The following GRID2 variants were observed in gnomAD, a reference collection of about 807,000 sequenced individuals.
GRID2 encodes the protein glutamate receptor ionotropic, delta-2.
GRID2 carries 33 observed loss-of-function variants against 114.8 expected under a neutral mutation model. The observed-to-expected ratio is 0.29, with a 90% CI of 0.22 to 0.38. The LOEUF (loss-of-function observed/expected upper bound fraction) is 0.38. Among genes scored for constraint, GRID2 ranks in the 10% least tolerant of loss-of-function variants. The pLI is 1.00. For synonymous variants in GRID2, 505 were observed against 449.9 expected, an observed-to-expected ratio of 1.12 and a Z score of -1.55; for missense variants, 1,184 against 1,257.7, an observed-to-expected ratio of 0.94 and a Z score of 0.89.
intron 13 of GRID2, among the ~76,000 whole-genome samples, chr4:93,620,632 A>G (rs1402280018): frequency 6.6e-6 from 1 of 152,202 alleles, no homozygotes; most frequent in African/African-American, 2.4e-5. Flanking sequence ...ACATAGGTGC[A>G]GGTTTTGAAA....
intron 2 of GRID2, among the ~76,000 whole-genome samples, chr4:92,591,293 G>T (rs1267547935): frequency 2.0e-5 from 3 of 151,996 alleles, no homozygotes; most frequent in African/African-American, 7.2e-5. Flanking sequence ...TAATCTGCTG[G>T]GCCCTTGATC....
intron 2 of GRID2, among the ~76,000 whole-genome samples, chr4:93,017,613 G>A (rs1005738293): frequency 1.3e-5 from 2 of 151,522 alleles, no homozygotes; most frequent in Non-Finnish European, 2.9e-5. Context: ...TCAGGAGTTC[G>A]AGACCAACAC....
At chr4:92,959,008 G>T (rs1578602865) in intron 2 of GRID2, among the ~76,000 whole-genome samples, 1 of 147,824 alleles carries the variant, frequency 6.8e-6, no homozygotes, top group African/African-American at 2.5e-5. Flanking sequence ...TAGATCTGTA[G>T]TGATGTGTCT....
chr4:92,492,444 C>T (rs558369084), intron 1 of GRID2, among the ~76,000 whole-genome samples: 9 of 152,206 alleles, frequency 5.9e-5, no homozygotes, highest in Non-Finnish European at 1.2e-4. Flanking sequence ...TGTATAGATA[C>T]ATAAGAGCAT....
intron 3 of GRID2, among the ~76,000 whole-genome samples, chr4:93,097,298 T>C (rs904007410): frequency 1.3e-5 from 2 of 149,756 alleles, no homozygotes; most frequent in African/African-American, 4.9e-5. Flanking sequence ...AATTACAATA[T>C]AGAACAACCC....
At chr4:92,709,946 A>G (rs895832989) in intron 2 of GRID2, among the ~76,000 whole-genome samples, 4 of 152,122 alleles carry the variant, frequency 2.6e-5, no homozygotes, top group Admixed American at 6.5e-5. Flanking sequence ...AGTATATGTA[A>G]CAGGTTGTCT....
intron 12 of GRID2, among the ~76,000 whole-genome samples, chr4:93,492,489 T>C (rs1467677334): frequency 6.6e-6 from 1 of 151,798 alleles, no homozygotes; most frequent in Admixed American, 6.6e-5. Context: ...TCTTAGGTTT[T>C]AGAGAACACA....
intron 13 of GRID2, among the ~76,000 whole-genome samples, chr4:93,587,141 A>G (rs942707152): frequency 1.3e-5 from 2 of 151,884 alleles, no homozygotes; most frequent in African/African-American, 4.8e-5. Context: ...TGCCTCTGAA[A>G]CTTCTACCCA....
At chr4:92,611,132 ATG>A (rs1165644955) in intron 2 of GRID2, among the ~76,000 whole-genome samples, 2 of 133,648 alleles carry the variant, frequency 1.5e-5, no homozygotes, top group African/African-American at 2.8e-5. Context: ...GTGTGTGTGC[ATG>A]TGTGTGTGTG....
Position 93,773,661 on chromosome 4 carries a change from A to C in GRID2, c.*1163A>C, listed in dbSNP as rs1038632102. ...ATTGAAGGTTAAAAATCCTCTTCCA[A>C]AGCAGCAAGTCAATCAATACAATAA... is the stretch of plus-strand genomic sequence containing the variant. On this transcript the variant is annotated 3_prime_UTR_variant, in exon 16 of 16. Transcript: ENST00000282020. 2.0e-4 allele frequency: 31 copies of C among 152,120 alleles called. No homozygotes were observed. Among genetic ancestry groups the C allele is most frequent in the African/African-American group, 5.8e-4 (24 of 41,434 alleles). The allele number at this position is 152,120 out of a possible 1,614,324, so 9.4% of individuals were successfully genotyped here.
chr4:92,877,142 G>C (rs572169731), intron 2 of GRID2, among the ~76,000 whole-genome samples: 191 of 152,284 alleles, frequency 1.3e-3, no homozygotes, highest in African/African-American at 4.3e-3. Context: ...TCTATGTATA[G>C]AGTCTCAACA....
At chr4:93,348,225 C>A (rs1357104319) in intron 8 of GRID2, among the ~76,000 whole-genome samples, 1 of 152,072 alleles carries the variant, frequency 6.6e-6, no homozygotes, top group Non-Finnish European at 1.5e-5. Flanking sequence ...TTTTATATAA[C>A]ACAAGGTCAA....
At chr4:92,593,938 A>C (rs1477397580) in intron 2 of GRID2, among the ~76,000 whole-genome samples, 1 of 151,342 alleles carries the variant, frequency 6.6e-6, no homozygotes, top group Non-Finnish European at 1.5e-5. Context: ...AGAAAAAAAA[A>C]ACGTATATGG....
At chr4:93,195,177 G>A (rs1349466042) in intron 4 of GRID2, among the ~76,000 whole-genome samples, 2 of 152,128 alleles carry the variant, frequency 1.3e-5, no homozygotes, top group Non-Finnish European at 2.9e-5. Context: ...GTATAGGAAG[G>A]CTGACTCAGT....
intron 1 of GRID2, among the ~76,000 whole-genome samples, chr4:92,463,365 C>A: frequency 6.6e-6 from 1 of 151,904 alleles, no homozygotes; most frequent in Non-Finnish European, 1.5e-5. Flanking sequence ...ATAGGTCTAC[C>A]ATCACAGAGT....
At chr4:92,740,690 T>TA (rs1553922534) in intron 2 of GRID2, among the ~76,000 whole-genome samples, 3,829 of 121,262 alleles carry the variant, frequency 0.032, 84 homozygotes, top group East Asian at 0.12. Context: ...GATAGATAGA[T>TA]GATAGATAGA....
chr4:92,945,055 A>G (rs1464535990), intron 2 of GRID2, among the ~76,000 whole-genome samples: 2 of 152,158 alleles, frequency 1.3e-5, no homozygotes, highest in Admixed American at 6.5e-5. Flanking sequence ...ACTACTTGAA[A>G]ATATTTCTGA....
intron 2 of GRID2, among the ~76,000 whole-genome samples, chr4:92,634,436 A>G (rs1038356116): frequency 2.0e-5 from 3 of 152,166 alleles, no homozygotes; most frequent in Non-Finnish European, 4.4e-5. Context: ...TTATTGGCAC[A>G]TGTGCCCTTT....
At position 92,971,491 on chromosome 4, in the gene GRID2, CAG is replaced by C. The variant is rs575303234; in HGVS notation, c.245-113501_245-113500del. Among the ~76,000 whole-genome samples the C allele has an allele frequency of 1.5e-3, 232 of 151,986 alleles. 3 individuals are homozygous for C. The highest frequency in any genetic ancestry group is 5.5e-3 in the African/African-American group (227 of 41,488). ...ATGTGTATATGTGTAATGATCAAAT[CAG>C]AGTAATTACATAGCCATCAACTCAA... On this transcript the variant is annotated intron_variant, in intron 2 of 15. Coordinates refer to ENST00000282020, the MANE Select transcript of GRID2 (RefSeq NM_001510.4).
Sources: allele counts gnomAD v4.1 joint callset (sites outside exome capture counted in the v4.1 genomes callset), GRCh38; gene constraint gnomAD v4.1.1; transcripts MANE v1.5; gene names NCBI Gene and HGNC (gene_info 2026-07-23, HGNC 2026-07-21).